Variants in KLHL1 observed in about 807,000 individuals in gnomAD.
KLHL1 encodes kelch like family member 1, also known as kelch-like protein 1.
In KLHL1, 47 loss-of-function variants were observed where a neutral mutation model predicts 77.7. That is an observed-to-expected ratio of 0.60 (90% CI 0.48 to 0.77). KLHL1 has a LOEUF of 0.77. Among genes scored for constraint, KLHL1 ranks in the 30% least tolerant of loss-of-function variants. The pLI is 0.00. For missense variants in KLHL1, 925 were observed against 910.8 expected, an observed-to-expected ratio of 1.02 and a Z score of -0.20; for synonymous variants, 360 against 325.2, an observed-to-expected ratio of 1.11 and a Z score of -1.15.
chr13:69,898,862 G>A (rs1357728638), intron 4 of KLHL1, among the ~76,000 whole-genome samples: 5 of 152,104 alleles, frequency 3.3e-5, no homozygotes, highest in South Asian at 4.1e-4. Context: ...GCTTGTGAAC[G>A]AGGCCTGGAG....
chr13:70,076,849 A>T (rs1887279270), intron 1 of KLHL1, among the ~76,000 whole-genome samples: 1 of 152,014 alleles, frequency 6.6e-6, no homozygotes, highest in South Asian at 2.1e-4. Context: ...ACACTTCAGC[A>T]AGTAGGGTAT....
intron 1 of KLHL1, among the ~76,000 whole-genome samples, chr13:70,077,709 G>A (rs1244292326): frequency 6.6e-6 from 1 of 151,912 alleles, no homozygotes; most frequent in Non-Finnish European, 1.5e-5. Flanking sequence ...GGAACCCTCT[G>A]TAGTTTCTTC....
intron 2 of KLHL1, among the ~76,000 whole-genome samples, chr13:69,971,493 A>G (rs1007414476): frequency 2.0e-5 from 3 of 151,946 alleles, no homozygotes; most frequent in African/African-American, 7.2e-5. Flanking sequence ...CTCTATTTTC[A>G]CCAACTCATT....
At chr13:69,934,966 ATATATATATATATATATATATATG>A (rs1239370403) in intron 4 of KLHL1, among the ~76,000 whole-genome samples, 4 of 49,372 alleles carry the variant, frequency 8.1e-5, no homozygotes, top group African/African-American at 1.1e-4. Flanking sequence ...GCATGTGTAT[ATATATATATATATATATATATATG>A]TATATATATA....
At chr13:69,781,888 T>C (rs1384253630) in intron 7 of KLHL1, among the ~76,000 whole-genome samples, 3 of 147,432 alleles carry the variant, frequency 2.0e-5, no homozygotes, top group Non-Finnish European at 4.5e-5. Context: ...TTTTATCTCA[T>C]CATCTATTTT....
chr13:69,924,905 G>A (rs940079302), intron 4 of KLHL1, among the ~76,000 whole-genome samples: 1 of 152,204 alleles, frequency 6.6e-6, no homozygotes, highest in Non-Finnish European at 1.5e-5. Context: ...CAGCCTTGCA[G>A]GGAGCTGGCA....
At chr13:70,050,914 ATT>A (rs907961688) in intron 1 of KLHL1, among the ~76,000 whole-genome samples, 1 of 151,986 alleles carries the variant, frequency 6.6e-6, no homozygotes, top group African/African-American at 2.4e-5. Flanking sequence ...TGAATCTCAT[ATT>A]TGTCATAGCT....
At chr13:69,900,143 G>T (rs189717658) in intron 4 of KLHL1, among the ~76,000 whole-genome samples, 403 of 152,228 alleles carry the variant, frequency 2.6e-3, no homozygotes, top group Middle Eastern at 0.01. Context: ...CTGGATATGG[G>T]TTTGCCTCTA....
At chr13:70,020,593 C>T (rs904949038) in intron 1 of KLHL1, among the ~76,000 whole-genome samples, 8 of 152,048 alleles carry the variant, frequency 5.3e-5, no homozygotes, top group African/African-American at 1.9e-4. Flanking sequence ...TCCTCTGTAT[C>T]ATGAGACTAC....
At chr13:69,986,449 A>G (rs1364637395) in intron 1 of KLHL1, among the ~76,000 whole-genome samples, 4 of 152,070 alleles carry the variant, frequency 2.6e-5, no homozygotes, top group Non-Finnish European at 4.4e-5. Flanking sequence ...CTCCAGAAAT[A>G]TGTATAATTA....
chr13:69,898,212 T>C (rs1391072325), intron 4 of KLHL1, among the ~76,000 whole-genome samples: 1 of 152,238 alleles, frequency 6.6e-6, no homozygotes, highest in Non-Finnish European at 1.5e-5. Flanking sequence ...CCTCTGTTAC[T>C]GACACAAATG....
chr13:70,032,623 T>G (rs1254332163), intron 1 of KLHL1, among the ~76,000 whole-genome samples: 1 of 152,214 alleles, frequency 6.6e-6, no homozygotes, highest in Non-Finnish European at 1.5e-5. Flanking sequence ...CATTAAATGA[T>G]TAAATGCTCT....
At chr13:69,738,933 C>T (rs1873873821) in intron 8 of KLHL1, among the ~76,000 whole-genome samples, 1 of 152,034 alleles carries the variant, frequency 6.6e-6, no homozygotes, top group African/African-American at 2.4e-5. Context: ...GAAGACCAAC[C>T]CCTAGACACA....
chr13:69,865,925 C>T (rs1322703753), intron 5 of KLHL1, among the ~76,000 whole-genome samples: 2 of 152,218 alleles, frequency 1.3e-5, no homozygotes, highest in East Asian at 3.9e-4. Flanking sequence ...TGTATTTTAA[C>T]ATATTCTGAG....
chr13:70,076,776 C>A (rs1263726239), intron 1 of KLHL1, among the ~76,000 whole-genome samples: 1 of 151,650 alleles, frequency 6.6e-6, no homozygotes, highest in South Asian at 2.1e-4. Context: ...ACAAAGAACT[C>A]CAAAACACAA....
chr13:69,798,545 G>A (rs189764901), intron 6 of KLHL1, among the ~76,000 whole-genome samples: 202 of 151,970 alleles, frequency 1.3e-3, no homozygotes, highest in African/African-American at 4.6e-3. Flanking sequence ...AAAATAAATT[G>A]CAATGTTCAC....
chr13:69,772,333 A>G (rs1875612710), intron 7 of KLHL1, among the ~76,000 whole-genome samples: 1 of 152,064 alleles, frequency 6.6e-6, no homozygotes, highest in Non-Finnish European at 1.5e-5. Context: ...CTAGAATAAA[A>G]AACAATTTAT....
At chr13:69,912,511 C>A (rs1163535941) in intron 4 of KLHL1, among the ~76,000 whole-genome samples, 1 of 152,204 alleles carries the variant, frequency 6.6e-6, no homozygotes, top group Non-Finnish European at 1.5e-5. Flanking sequence ...TATCAGGAAG[C>A]AATCATTTTA....
intron 7 of KLHL1, among the ~76,000 whole-genome samples, chr13:69,795,791 G>T (rs369780063): frequency 1.6e-4 from 25 of 152,154 alleles, no homozygotes; most frequent in African/African-American, 6.0e-4. Flanking sequence ...CTAGTTCCTG[G>T]TTACCCCATA....
Sources: gnomAD v4.1 joint callset for allele counts (sites outside exome capture counted in the v4.1 genomes callset) on GRCh38, gnomAD v4.1.1 for gene constraint, MANE v1.5 for transcripts, NCBI Gene and HGNC (gene_info 2026-07-23, HGNC 2026-07-21) for gene names.